DLGAP2: variants seen among roughly 807,000 people sequenced by gnomAD.
DLGAP2 encodes the protein disks large-associated protein 2.
DLGAP2 carries 26 observed loss-of-function variants against 100.3 expected under a neutral mutation model. The observed-to-expected ratio is 0.26, with a 90% CI of 0.19 to 0.36. The LOEUF (loss-of-function observed/expected upper bound fraction) is 0.36, where lower values mean the gene tolerates loss of function less well. Among genes scored for constraint, DLGAP2 ranks in the 10% least tolerant of loss-of-function variants. DLGAP2 has a pLI of 1.00. For synonymous variants in DLGAP2, 886 were observed against 630.1 expected, an observed-to-expected ratio of 1.41 and a Z score of -6.08; for missense variants, 1,858 against 1,453.2, an observed-to-expected ratio of 1.28 and a Z score of -4.53.
At chr8:996,549 G>A (rs748127567) in intron 2 of DLGAP2, among the ~76,000 whole-genome samples, 13 of 152,170 alleles carry the variant, frequency 8.5e-5, no homozygotes, top group Non-Finnish European at 1.6e-4. Flanking sequence ...AAGTCCTTCC[G>A]TGAGTGAGGC....
At chr8:1,084,488 C>A in intron 2 of DLGAP2, among the ~76,000 whole-genome samples, 1 of 152,116 alleles carries the variant, frequency 6.6e-6, no homozygotes, top group Middle Eastern at 3.2e-3. Flanking sequence ...ACAGACTTGC[C>A]CTCCTGTCCG....
At chr8:1,079,650 C>T (rs1403185181) in intron 2 of DLGAP2, among the ~76,000 whole-genome samples, 2 of 152,124 alleles carry the variant, frequency 1.3e-5, no homozygotes, top group African/African-American at 2.4e-5. Context: ...AGGAACTCTC[C>T]GAGGTGCTGG....
At chr8:796,928 G>T (rs1796048077) in intron 1 of DLGAP2, among the ~76,000 whole-genome samples, 1 of 152,068 alleles carries the variant, frequency 6.6e-6, no homozygotes, top group Admixed American at 6.5e-5. Flanking sequence ...CAAAACACAA[G>T]TCAAGGATCA....
chr8:932,242 G>A lies in DLGAP2; in HGVS notation c.73+24276G>A, dbSNP rs140671475. 6.6e-4 allele frequency among the ~76,000 whole-genome samples: 101 copies of A among 152,330 alleles called. No homozygotes were observed. In the East Asian group the frequency reaches 0.013, roughly 20 times the overall value. ...AACACACATGCAGTCCAGCAGCCAC[G>A]TGTGTTCTGAAATAGAAAAGGGTGA... On this transcript the variant is annotated intron_variant, in intron 2 of 14. Transcript: ENST00000637795.
At position 1,541,818 on chromosome 8, in the gene DLGAP2, C is replaced by A. The variant is rs1339602743; in HGVS notation, c.173-6808C>A. Among the ~76,000 whole-genome samples, 3 of 152,216 alleles carry A rather than the reference C, an allele frequency of 2.0e-5. No individual in the cohort carries two copies. The East Asian group carries it at 5.8e-4, about 29-fold the overall frequency. Reference sequence around the variant, plus strand: ...AGTTAACAGATTTACTAATTTATACCTTGCTTCTTTTCATGAGGAACTGAA... The same window carrying A: ...AGTTAACAGATTTACTAATTTATACATTGCTTCTTTTCATGAGGAACTGAA... On this transcript the variant is annotated intron_variant, in intron 4 of 14. Transcript: ENST00000637795.
chr8:1,033,739 T>C (rs1252788674), intron 2 of DLGAP2, among the ~76,000 whole-genome samples: 92 of 135,232 alleles, frequency 6.8e-4, no homozygotes, highest in East Asian at 1.4e-3. Flanking sequence ...CGCGAGTGGG[T>C]TCACACACTC....
intron 3 of DLGAP2, among the ~76,000 whole-genome samples, chr8:1,409,974 T>C (rs1464918446): frequency 6.6e-6 from 1 of 152,208 alleles, no homozygotes; most frequent in Admixed American, 6.5e-5. Context: ...CCCCCTCTTA[T>C]GTGTCTGTGT....
chr8:938,011 C>T lies in DLGAP2; in HGVS notation c.73+30045C>T, dbSNP rs368549974. On this transcript the variant is annotated intron_variant, in intron 2 of 14. Transcript: ENST00000637795. ...TACTCTCATATCAGGACCCTCTGGC[C>T]TTGTGTCTCAGACAACTATTCCTTC... Among the ~76,000 whole-genome samples, 31 of 152,114 alleles carry T rather than the reference C, an allele frequency of 2.0e-4. 1 individual carries two copies. The highest frequency in any genetic ancestry group is 7.5e-4 in the African/African-American group (31 of 41,418).
intron 6 of DLGAP2, among the ~76,000 whole-genome samples, chr8:1,623,480 G>T (rs1232164936): frequency 3.3e-5 from 5 of 151,894 alleles, no homozygotes; most frequent in Admixed American, 3.3e-4. Flanking sequence ...CCTGACACCA[G>T]TGCACGATGA....
At chr8:1,260,927 G>T (rs1448064339) in intron 3 of DLGAP2, among the ~76,000 whole-genome samples, 1 of 152,182 alleles carries the variant, frequency 6.6e-6, no homozygotes, top group African/African-American at 2.4e-5. Context: ...GCGTGGTCCT[G>T]GACAATCCCA....
At chr8:1,053,940 T>G (rs1239059830) in intron 2 of DLGAP2, among the ~76,000 whole-genome samples, 1 of 152,178 alleles carries the variant, frequency 6.6e-6, no homozygotes, top group East Asian at 1.9e-4. Flanking sequence ...ATGATCCCTT[T>G]GATGAATTTC....
intron 3 of DLGAP2, among the ~76,000 whole-genome samples, chr8:1,279,731 G>T (rs1301638277): frequency 1.3e-5 from 2 of 152,188 alleles, no homozygotes; most frequent in Non-Finnish European, 1.5e-5. Context: ...ATTTCCTTGT[G>T]GCTGTAGGAT....
In DLGAP2 at chr8:1,227,153, G is replaced by GATAGATAGATATATATATAT. The variant is rs796173465; in HGVS notation, c.74-31695_74-31694insGATAGATATATATATATATA. ...AAATGAATGGGTAAGGAAACTGTGA[G>GATAGATAGATATATATATAT]ATATATATATATATATATATAGTAT... On this transcript the variant is annotated intron_variant, in intron 2 of 14. Coordinates refer to ENST00000637795, the MANE Select transcript of DLGAP2 (RefSeq NM_001346810.2). 4.5e-5 allele frequency among the ~76,000 whole-genome samples: 4 copies of GATAGATAGATATATATATAT among 89,710 alleles called. 1 individual carries two copies. The highest frequency in any genetic ancestry group is 2.6e-4 in the African/African-American group (4 of 15,344). 58.9% of individuals were successfully genotyped at this position (89,710 alleles called of 152,430 possible).
At chr8:1,118,786 A>G (rs913413300) in intron 2 of DLGAP2, among the ~76,000 whole-genome samples, 2 of 152,148 alleles carry the variant, frequency 1.3e-5, no homozygotes, top group African/African-American at 4.8e-5. Context: ...ATGATGGAAA[A>G]CGACCTTGGG....
At chr8:909,580 C>G (rs904446096) in intron 2 of DLGAP2, among the ~76,000 whole-genome samples, 50 of 151,984 alleles carry the variant, frequency 3.3e-4, no homozygotes, top group African/African-American at 1.1e-3. Context: ...ATCTGTAGAA[C>G]CAAGAGAGCT....
chr8:762,757 C>A (rs1351727069), intron 1 of DLGAP2, among the ~76,000 whole-genome samples: 1 of 152,052 alleles, frequency 6.6e-6, no homozygotes, highest in African/African-American at 2.4e-5. Context: ...CAGCTCACTG[C>A]AGCCTCACCC....
At chr8:1,563,596 G>A (rs1802268864) in intron 5 of DLGAP2, among the ~76,000 whole-genome samples, 1 of 152,048 alleles carries the variant, frequency 6.6e-6, no homozygotes, top group Non-Finnish European at 1.5e-5. Flanking sequence ...AGGACTCCTT[G>A]CCACACGGGG....
chr8:906,769 A>T (rs1798389570), intron 1 of DLGAP2, among the ~76,000 whole-genome samples: 1 of 152,214 alleles, frequency 6.6e-6, no homozygotes, highest in Non-Finnish European at 1.5e-5. Flanking sequence ...CTCTGTGCAC[A>T]TGAGAAGCAT....
chr8:1,269,354 C>G (rs1334778596), intron 3 of DLGAP2, among the ~76,000 whole-genome samples: 1 of 151,872 alleles, frequency 6.6e-6, no homozygotes, highest in East Asian at 1.9e-4. Context: ...GCTGGAAAGA[C>G]CGCCCCGTGT....
Sources: gnomAD v4.1 joint callset for allele counts (sites outside exome capture counted in the v4.1 genomes callset) on GRCh38, gnomAD v4.1.1 for gene constraint, MANE v1.5 for transcripts, NCBI Gene and HGNC (gene_info 2026-07-23, HGNC 2026-07-21) for gene names.